Variants in LMNTD1 observed in about 807,000 individuals in gnomAD.
LMNTD1 encodes lamin tail domain-containing protein 1.
A neutral mutation model predicts 50.9 loss-of-function variants in LMNTD1; 35 were observed. The observed-to-expected ratio is 0.69, with a 90% CI of 0.53 to 0.91. The LOEUF (loss-of-function observed/expected upper bound fraction) is 0.91, where lower values mean the gene tolerates loss of function less well. LMNTD1 is among the 40% of genes least tolerant of loss of function. The probability of loss-of-function intolerance (pLI) is 0.00; values close to 1 mark genes in which losing one functional copy is unlikely to be tolerated. For missense variants in LMNTD1, 470 were observed against 475.5 expected, an observed-to-expected ratio of 0.99 and a Z score of 0.11; for synonymous variants, 153 against 161.9, an observed-to-expected ratio of 0.94 and a Z score of 0.42.
intron 1 of LMNTD1, among the ~76,000 whole-genome samples, chr12:25,596,189 G>A (rs1253105384): frequency 2.0e-5 from 3 of 151,952 alleles, no homozygotes; most frequent in Non-Finnish European, 4.4e-5. Flanking sequence ...TATTCCAGAA[G>A]ATAGAAAAAG....
chr12:25,520,020 G>T lies in LMNTD1; in HGVS notation c.854C>A (p.Ala285Asp). Residue 285 changes from alanine to aspartate, a missense_variant, in exon 7 of 10, where the codon GCT becomes GAT. Transcript: ENST00000458174. ...TGAACATCTGTTAAATTCAACGTCA[G>T]CATCTAATTTTTCCCACGCTTGCTT... The part of the protein sequence containing the change: ...HWKQAWEKLD[A>D]DVEFNRCSVV... 6.2e-7 allele frequency: 1 copy of T among 1,613,508 alleles called. No homozygotes were observed. Among genetic ancestry groups the T allele is most frequent in the Non-Finnish European group, 8.5e-7 (1 of 1,179,812 alleles).
chr12:25,557,669 T>TA (rs1032509897), upstream of LMNTD1, among the ~76,000 whole-genome samples: 1 of 152,180 alleles, frequency 6.6e-6, no homozygotes, highest in Non-Finnish European at 1.5e-5. Context: ...TAGTAATTTT[T>TA]AAAAAAATAC....
rs370911417 is a variant in LMNTD1 at position 25,553,092 on chromosome 12, C to T, written c.-54G>A. The T allele has an allele frequency of 8.6e-5, 139 of 1,613,614 alleles. No homozygotes were observed. Among genetic ancestry groups the T allele is most frequent in the Non-Finnish European group, 1.1e-4 (128 of 1,179,852 alleles). ...ACCTGTTAATCCAACTACCTTCAAG[C>T]ATCAGCTAGGTTTAATAATTTCTTT... On this transcript the variant is annotated 5_prime_UTR_variant, in exon 1 of 10. The change abolishes an upstream ATG in the 5' untranslated region. Transcript: ENST00000458174.
At chr12:25,629,145 C>T (rs1004584155) in intron 1 of LMNTD1, among the ~76,000 whole-genome samples, 13 of 152,110 alleles carry the variant, frequency 8.5e-5, no homozygotes, top group Non-Finnish European at 1.6e-4. Context: ...CTCTGGGATT[C>T]GAGCCATAAC....
At chr12:25,479,455 C>A (rs1422303947) in intron 9 of LMNTD1, among the ~76,000 whole-genome samples, 1 of 152,086 alleles carries the variant, frequency 6.6e-6, no homozygotes, top group Non-Finnish European at 1.5e-5. Context: ...TTGCCCTAGC[C>A]CTGCAAAGTA....
chr12:25,584,033 A>T (rs1223596890), intron 1 of LMNTD1, among the ~76,000 whole-genome samples: 2 of 152,174 alleles, frequency 1.3e-5, no homozygotes, highest in Non-Finnish European at 2.9e-5. Flanking sequence ...GAATGGTGGC[A>T]ATGGAGGTGA....
chr12:25,546,301 G>T, intron 4 of LMNTD1, 73 bp downstream of exon 4: 3 of 886,762 alleles, frequency 3.4e-6, no homozygotes, highest in Non-Finnish European at 4.9e-6. Flanking sequence ...CTACAGATTA[G>T]AACTTTGTTT....
intron 6 of LMNTD1, among the ~76,000 whole-genome samples, chr12:25,521,940 A>G (rs1941350272): frequency 6.6e-6 from 1 of 152,218 alleles, no homozygotes; most frequent in South Asian, 2.1e-4. Flanking sequence ...AAAATCCTGT[A>G]TAGACACTAA....
intron 9 of LMNTD1, among the ~76,000 whole-genome samples, chr12:25,490,231 G>A (rs1045713099): frequency 6.6e-6 from 1 of 152,178 alleles, no homozygotes; most frequent in Non-Finnish European, 1.5e-5. Context: ...GAAAATGACA[G>A]ATATTCACAA....
intron 1 of LMNTD1, among the ~76,000 whole-genome samples, chr12:25,634,872 A>C (rs1946794580): frequency 6.6e-6 from 1 of 152,192 alleles, no homozygotes; most frequent in African/African-American, 2.4e-5. Flanking sequence ...TTAAGCTGTC[A>C]CTGTTTGCTG....
intron 9 of LMNTD1, among the ~76,000 whole-genome samples, chr12:25,496,307 T>A (rs907502582): frequency 1.3e-5 from 2 of 152,192 alleles, no homozygotes; most frequent in Non-Finnish European, 2.9e-5. Flanking sequence ...TGGAGACAGC[T>A]GGAAGAAATT....
chr12:25,647,603 C>T (rs1304951895), intron 1 of LMNTD1, among the ~76,000 whole-genome samples: 1 of 152,192 alleles, frequency 6.6e-6, no homozygotes, highest in African/African-American at 2.4e-5. Context: ...ATAGTTAAAT[C>T]TGTGTTCATT....
chr12:25,506,143 A>T (rs948078624), intron 8 of LMNTD1, among the ~76,000 whole-genome samples: 4 of 152,220 alleles, frequency 2.6e-5, no homozygotes, highest in African/African-American at 9.6e-5. Context: ...AATTCTATAG[A>T]TATGATCTTA....
intron 1 of LMNTD1, among the ~76,000 whole-genome samples, chr12:25,604,273 A>G (rs1307439858): frequency 1.3e-5 from 2 of 152,144 alleles, no homozygotes; most frequent in African/African-American, 2.4e-5. Context: ...GTCCTTTTCC[A>G]AAGGACAATT....
intron 1 of LMNTD1, among the ~76,000 whole-genome samples, chr12:25,644,000 G>T (rs1401813953): frequency 2.0e-5 from 3 of 152,324 alleles, no homozygotes; most frequent in East Asian, 3.9e-4. Flanking sequence ...GCCAGAGCTA[G>T]ATATGGGAAA....
At position 25,483,284 on chromosome 12, in the gene LMNTD1, C is replaced by A. The variant is rs181950429; in HGVS notation, c.*23-6824G>T. Among the ~76,000 whole-genome samples the A allele has an allele frequency of 2.0e-3, 301 of 151,568 alleles. 7 individuals carry two copies. Among genetic ancestry groups the A allele is most frequent in the African/African-American group, 7.0e-3 (286 of 41,096 alleles). Reference sequence around the variant, plus strand: ...TAAAAAAATACAAAAATTAGCCAGGCGTGGTTGTGCGCACCTTTAGTCCCA... The same window carrying A: ...TAAAAAAATACAAAAATTAGCCAGGAGTGGTTGTGCGCACCTTTAGTCCCA... On this transcript the variant is annotated intron_variant, in intron 9 of 9. Coordinates refer to ENST00000458174, the MANE Select transcript of LMNTD1 (RefSeq NM_001145728.2).
At position 25,526,185 on chromosome 12, in the gene LMNTD1, G is replaced by A; in HGVS notation, c.712C>T (p.Pro238Ser). The A allele has an allele frequency of 1.2e-6, 2 of 1,610,928 alleles. No homozygotes were observed. Among genetic ancestry groups the A allele is most frequent in the Non-Finnish European group, 1.7e-6 (2 of 1,178,282 alleles). The change falls in exon 6 of 10, where the codon CCT becomes TCT. Residue 238 changes from proline to serine, a missense_variant. Pro to Ser is a moderately conservative substitution (Grantham distance 74). Coordinates refer to ENST00000458174, the MANE Select transcript of LMNTD1 (RefSeq NM_001145728.2). ...WAAASEAKHQ[P>S]PSDFLWKEQD... ...TCCTTCCAAAGAAAATCTGATGGAG[G>A]TTGATGCTTTGCTTCAGATGCTGCT...
intron 1 of LMNTD1, among the ~76,000 whole-genome samples, chr12:25,591,109 A>G (rs1036154436): frequency 9.2e-5 from 14 of 152,222 alleles, no homozygotes; most frequent in African/African-American, 3.1e-4. Context: ...TACAGCACAA[A>G]GCAGGCTCTT....
chr12:25,573,627 G>C (rs552136053), intron 1 of LMNTD1, among the ~76,000 whole-genome samples: 1 of 152,218 alleles, frequency 6.6e-6, no homozygotes, highest in African/African-American at 2.4e-5. Context: ...TGCCTATTTT[G>C]TTTTTTGCCA....
Sources: allele counts gnomAD v4.1 joint callset (sites outside exome capture counted in the v4.1 genomes callset), GRCh38; gene constraint gnomAD v4.1.1; transcripts MANE v1.5; gene names NCBI Gene and HGNC (gene_info 2026-07-23, HGNC 2026-07-21).